Variants in SOX5 observed in about 807,000 individuals in gnomAD.
SOX5 encodes transcription factor SOX-5.
In SOX5, 9 loss-of-function variants were observed where a neutral mutation model predicts 92.0. The observed-to-expected ratio is 0.10, with a 90% CI of 0.06 to 0.17. SOX5 has a LOEUF of 0.17. SOX5 is among the 10% of genes least tolerant of loss of function. SOX5 has a pLI of 1.00. For synonymous variants in SOX5, 344 were observed against 336.3 expected (o/e 1.02, Z -0.25); for missense variants, 642 against 944.5 (o/e 0.68, Z 4.20).
chr12:24,348,068 A>T (rs1024162277), intron 2 of SOX5, among the ~76,000 whole-genome samples: 5 of 151,248 alleles, frequency 3.3e-5, no homozygotes, highest in African/African-American at 1.2e-4. Flanking sequence ...AAAAAAAAAA[A>T]AACAGAAATT....
intron 3 of SOX5, among the ~76,000 whole-genome samples, chr12:23,801,821 T>C (rs921635912): frequency 1.3e-5 from 2 of 152,156 alleles, no homozygotes; most frequent in Admixed American, 6.5e-5. Flanking sequence ...ATAAGTTGTA[T>C]AGTTAGGGGA....
At chr12:24,163,963 T>C (rs530338371) in intron 4 of SOX5, among the ~76,000 whole-genome samples, 45 of 152,176 alleles carry the variant, frequency 3.0e-4, no homozygotes, top group African/African-American at 9.9e-4. Context: ...ATTATTTCAA[T>C]AGAAGAGAAA....
chr12:24,163,487 C>G (rs998107401), intron 4 of SOX5, among the ~76,000 whole-genome samples: 4 of 150,028 alleles, frequency 2.7e-5, no homozygotes, highest in African/African-American at 7.4e-5. Flanking sequence ...GCATTTTGGG[C>G]CTTCTAATTT....
intron 4 of SOX5, among the ~76,000 whole-genome samples, chr12:24,108,376 A>C (rs1031556719): frequency 2.6e-5 from 4 of 152,148 alleles, no homozygotes; most frequent in African/African-American, 9.7e-5. Flanking sequence ...ACTGTCATCA[A>C]GAAATGTTCA....
chr12:23,891,673 T>C (rs937941047), intron 2 of SOX5, among the ~76,000 whole-genome samples: 8 of 151,970 alleles, frequency 5.3e-5, no homozygotes, highest in African/African-American at 1.4e-4. Flanking sequence ...TTCAAAGATA[T>C]GGAATAGAAA....
chr12:24,188,432 T>A (rs7299432), intron 4 of SOX5, among the ~76,000 whole-genome samples: 1 of 151,904 alleles, frequency 6.6e-6, no homozygotes, highest in South Asian at 2.1e-4. Flanking sequence ...GCAACAAGTA[T>A]TTATTCAATA....
intron 6 of SOX5, among the ~76,000 whole-genome samples, chr12:23,696,664 T>C (rs879857886): frequency 1.3e-5 from 2 of 152,170 alleles, no homozygotes; most frequent in Admixed American, 1.3e-4. Flanking sequence ...TTCTAGTTTT[T>C]CAAGGGGAAA....
intron 2 of SOX5, among the ~76,000 whole-genome samples, chr12:24,334,758 CA>C (rs1315120575): frequency 1.3e-5 from 2 of 151,984 alleles, no homozygotes; most frequent in Non-Finnish European, 2.9e-5. Flanking sequence ...GAAGAATGGC[CA>C]AATCAGTACA....
At chr12:23,625,595 C>T (rs879696898) in intron 8 of SOX5, among the ~76,000 whole-genome samples, 4 of 152,116 alleles carry the variant, frequency 2.6e-5, no homozygotes, top group Non-Finnish European at 5.9e-5. Flanking sequence ...GTTCAGCCAA[C>T]AGGCAAATAT....
At chr12:24,394,473 G>A (rs1180697801) in intron 1 of SOX5, among the ~76,000 whole-genome samples, 1 of 152,142 alleles carries the variant, frequency 6.6e-6, no homozygotes, top group Non-Finnish European at 1.5e-5. Context: ...AGACCAAGCT[G>A]AAGGAGGAGC....
intron 1 of SOX5, among the ~76,000 whole-genome samples, chr12:24,391,071 T>G (rs937145435): frequency 6.6e-6 from 1 of 152,170 alleles, no homozygotes; most frequent in African/African-American, 2.4e-5. Flanking sequence ...CTTCTTCCCA[T>G]TCTCACCAAC....
chr12:24,210,477 A>G (rs1327803591), intron 4 of SOX5, among the ~76,000 whole-genome samples: 1 of 152,254 alleles, frequency 6.6e-6, no homozygotes, highest in Non-Finnish European at 1.5e-5. Flanking sequence ...AAAGAGTTAC[A>G]TAATTTTCAA....
intron 2 of SOX5, among the ~76,000 whole-genome samples, chr12:24,303,064 A>C (rs1948164699): frequency 6.6e-6 from 1 of 152,324 alleles, no homozygotes; most frequent in African/African-American, 2.4e-5. Context: ...ATATAAGACA[A>C]GGCTTACAAA....
chr12:23,970,841 A>ATATATATTTTTTTTTTTTTTTT lies in SOX5; in HGVS notation c.-1-74818_-1-74817insAAAAAAAAAAAAAAAATATATA. ...ACATGGGACTTTATATATATATATA[A>ATATATATTTTTTTTTTTTTTTT]TTTTTTTTTTTTTTTAAGAAATGGG... On this transcript the variant is annotated intron_variant, in intron 4 of 4. Transcript: ENST00000446891. Among the ~76,000 whole-genome samples the ATATATATTTTTTTTTTTTTTTT allele has an allele frequency of 9.1e-4, 20 of 21,884 alleles. 2 individuals carry two copies. In the East Asian group the frequency reaches 0.01, roughly 11 times the overall value. 14.4% of individuals were successfully genotyped at this position (21,884 alleles called of 152,430 possible).
intron 10 of SOX5, among the ~76,000 whole-genome samples, chr12:23,570,926 A>T (rs1592163565): frequency 2.4e-5 from 1 of 41,544 alleles, no homozygotes; most frequent in African/African-American, 1.3e-4. Context: ...AAAAAAAAAA[A>T]AAAAATATAT....
chr12:23,802,738 C>T (rs1223600663), intron 3 of SOX5, among the ~76,000 whole-genome samples: 2 of 152,246 alleles, frequency 1.3e-5, no homozygotes, highest in East Asian at 1.9e-4. Flanking sequence ...TATAAACATC[C>T]TCCATGGGTT....
At chr12:23,726,168 AGAGAGAGG>A (rs2093118742) in intron 6 of SOX5, among the ~76,000 whole-genome samples, 1 of 83,046 alleles carries the variant, frequency 1.2e-5, no homozygotes, top group Admixed American at 1.3e-4. Flanking sequence ...AGAGAGAGAG[AGAGAGAGG>A]TCAGTTTCTC....
chr12:23,624,040 A>G (rs903341168), intron 8 of SOX5, among the ~76,000 whole-genome samples: 5 of 152,136 alleles, frequency 3.3e-5, no homozygotes, highest in Non-Finnish European at 7.4e-5. Context: ...ATGCTACAAC[A>G]TGGATAAACA....
chr12:24,021,100 T>G (rs1057118051), intron 4 of SOX5, among the ~76,000 whole-genome samples: 4 of 152,178 alleles, frequency 2.6e-5, no homozygotes, highest in African/African-American at 9.6e-5. Context: ...GGGAAGGTTT[T>G]CTTACTCCAG....
Sources: gnomAD v4.1 joint callset for allele counts (sites outside exome capture counted in the v4.1 genomes callset) on GRCh38, gnomAD v4.1.1 for gene constraint, MANE v1.5 for transcripts, NCBI Gene and HGNC (gene_info 2026-07-23, HGNC 2026-07-21) for gene names.